The following ATP11B variants were observed in gnomAD, a reference collection of about 807,000 sequenced individuals.
ATP11B encodes phospholipid-transporting ATPase IF.
A neutral mutation model predicts 157.8 loss-of-function variants in ATP11B; 81 were observed. The observed-to-expected ratio is 0.51, with a 90% CI of 0.43 to 0.62. The LOEUF (loss-of-function observed/expected upper bound fraction) is 0.62. ATP11B is among the 20% of genes least tolerant of loss of function. ATP11B has a pLI of 0.00. For synonymous variants in ATP11B, 451 were observed against 469.4 expected (o/e 0.96, Z 0.51); for missense variants, 1,165 against 1,402.2 (o/e 0.83, Z 2.70).
At chr3:182,795,450 A>T (rs1715544216) in intron 1 of ATP11B, among the ~76,000 whole-genome samples, 1 of 152,238 alleles carries the variant, frequency 6.6e-6, no homozygotes, top group South Asian at 2.1e-4. Flanking sequence ...CTCATCTTCA[A>T]GACAGAAAAC....
intron 7 of ATP11B, among the ~76,000 whole-genome samples, chr3:182,841,010 T>C (rs540939808): frequency 2.2e-4 from 33 of 152,040 alleles, no homozygotes; most frequent in African/African-American, 7.5e-4. Context: ...ACCTTTCTTC[T>C]CTGCCCTGTT....
intron 21 of ATP11B, among the ~76,000 whole-genome samples, chr3:182,881,466 C>T (rs961715010): frequency 2.6e-5 from 4 of 151,090 alleles, no homozygotes; most frequent in Admixed American, 1.3e-4. Flanking sequence ...TGCTTGAACC[C>T]GGGAGACAGA....
intron 5 of ATP11B, 92 bp downstream of exon 5, chr3:182,836,234 CT>C: frequency 1.3e-6 from 2 of 1,559,668 alleles, no homozygotes; most frequent in Admixed American, 1.7e-5. Flanking sequence ...TAAAAGCCTA[CT>C]TTCCTATGCT....
At chr3:182,811,361 G>C (rs889546665) in intron 1 of ATP11B, among the ~76,000 whole-genome samples, 9 of 152,084 alleles carry the variant, frequency 5.9e-5, no homozygotes, top group Non-Finnish European at 1.3e-4. Flanking sequence ...CAAACATGGC[G>C]TCTGGAAGTT....
chr3:182,899,971 A>G, intron 28 of ATP11B, among the ~76,000 whole-genome samples: 1 of 152,144 alleles, frequency 6.6e-6, no homozygotes. Flanking sequence ...CCAGGTTGAG[A>G]TTTTTTAAAC....
At chr3:182,796,514 A>G (rs1280887344) in intron 1 of ATP11B, among the ~76,000 whole-genome samples, 3 of 152,234 alleles carry the variant, frequency 2.0e-5, no homozygotes, top group Non-Finnish European at 2.9e-5. Context: ...ATTGGCTGCC[A>G]TTGGCTGCCA....
intron 28 of ATP11B, among the ~76,000 whole-genome samples, chr3:182,906,547 G>A (rs6768618): frequency 0.017 from 2,606 of 152,116 alleles, 85 homozygotes; most frequent in African/African-American, 0.059. Flanking sequence ...GGGCTCAAGC[G>A]GTCCTCCCAC....
In ATP11B at chr3:182,793,888, G is replaced by A. The variant is rs1576932631; in HGVS notation, c.27+102G>A. Reference sequence around the variant, plus strand: ...GGCGGCGCGGAGCCGGGAGGCCAGGGCGTGGGCGCCCGGCTAGGCCGCAGC... The same window carrying A: ...GGCGGCGCGGAGCCGGGAGGCCAGGACGTGGGCGCCCGGCTAGGCCGCAGC... On this transcript the variant is annotated intron_variant, in intron 1 of 29. Coordinates refer to ENST00000323116, the MANE Select transcript of ATP11B (RefSeq NM_014616.3). The A allele has an allele frequency of 6.8e-6, 5 of 739,492 alleles. No individual in the cohort carries two copies. The East Asian group carries it at 2.0e-4, about 29-fold the overall frequency. 45.8% of individuals were successfully genotyped at this position (739,492 alleles called of 1,614,324 possible).
At chr3:182,863,188 G>A (rs1200814648) in intron 12 of ATP11B, among the ~76,000 whole-genome samples, 3 of 152,128 alleles carry the variant, frequency 2.0e-5, no homozygotes, top group Non-Finnish European at 4.4e-5. Flanking sequence ...ACAAGCATGA[G>A]CCACCGCGCC....
chr3:182,889,437 T>C lies in ATP11B; in HGVS notation c.2871T>C (p.Ser957=), dbSNP rs1346236241. The C allele has an allele frequency of 6.3e-7, 1 of 1,577,792 alleles. No homozygotes were observed. The highest frequency in any genetic ancestry group is 2.3e-5 in the East Asian group (1 of 43,134). Residue 957 remains serine, a synonymous_variant, in exon 25 of 30, where the codon AGT becomes AGC. Transcript: ENST00000323116. ...ACATTAGTAAAAACCGCCTCTTAAG[T>C]ATTAAAACATTTCTTTATTGGACCA... is the stretch of plus-strand genomic sequence containing the variant. The part of the protein sequence containing the change: ...YRDISKNRLL[S]IKTFLYWTIL...
chr3:182,828,105 T>A lies in ATP11B; in HGVS notation c.145-15T>A, dbSNP rs1217033419. ...TTATTTTTAAATATTAATTTATTGA[T>A]CTCTTTCTTTTTAGTACACTGTGTG... On this transcript the variant is annotated splice_polypyrimidine_tract_variant and intron_variant, in intron 2 of 29. Coordinates refer to ENST00000323116, the MANE Select transcript of ATP11B (RefSeq NM_014616.3). The A allele has an allele frequency of 8.5e-7, 1 of 1,180,824 alleles. No individual in the cohort carries two copies. Among genetic ancestry groups the A allele is most frequent in the Non-Finnish European group, 1.2e-6 (1 of 847,060 alleles). 73.1% of individuals were successfully genotyped at this position (1,180,824 alleles called of 1,614,324 possible). A position where few individuals can be genotyped will look rare whatever the true frequency, so the allele number is the denominator to read the frequency against.
chr3:182,855,281 AC>A (rs1720303690), intron 10 of ATP11B, among the ~76,000 whole-genome samples: 1 of 152,194 alleles, frequency 6.6e-6, no homozygotes, highest in African/African-American at 2.4e-5. Flanking sequence ...TGGCAACAGC[AC>A]AAAAGCAATA....
intron 1 of ATP11B, among the ~76,000 whole-genome samples, chr3:182,794,309 A>G (rs1715456415): frequency 6.6e-6 from 1 of 152,048 alleles, no homozygotes; most frequent in Admixed American, 6.6e-5. Flanking sequence ...CCCGAGGAGG[A>G]GGCTGTCGTA....
At chr3:182,832,030 G>A (rs1226006161) in intron 4 of ATP11B, among the ~76,000 whole-genome samples, 1 of 151,934 alleles carries the variant, frequency 6.6e-6, no homozygotes. Flanking sequence ...AATACCTCTT[G>A]TCCTTATTTC....
intron 15 of ATP11B, among the ~76,000 whole-genome samples, chr3:182,868,336 T>G (rs1721398945): frequency 6.7e-6 from 1 of 149,102 alleles, no homozygotes; most frequent in African/African-American, 2.5e-5. Flanking sequence ...CAAACTATGC[T>G]TTTCCATACT....
intron 4 of ATP11B, among the ~76,000 whole-genome samples, chr3:182,832,181 C>T (rs945560203): frequency 4.6e-5 from 7 of 151,996 alleles, no homozygotes; most frequent in African/African-American, 1.7e-4. Flanking sequence ...CAGTCTCCTT[C>T]CAAAATTGGT....
At position 182,918,035 on chromosome 3, in the gene ATP11B, A is replaced by G. The variant is rs369351448; in HGVS notation, c.3465A>G (p.Ala1155=). 6.2e-7 allele frequency: 1 copy of G among 1,613,170 alleles called. No homozygotes were observed. Among genetic ancestry groups the G allele is most frequent in the South Asian group, 1.1e-5 (1 of 90,988 alleles). Residue 1155 remains alanine, a synonymous_variant, in exon 30 of 30, where the codon GCA becomes GCG. Transcript: ENST00000323116. ...ATTGTTACTTTAGATCATGGAGTGC[A>G]TCGGATCCTTTCTATACCAACGACA... ...SPTHISRSWS[A]SDPFYTNDRS...
At chr3:182,829,158 A>G (rs752283890) in intron 3 of ATP11B, among the ~76,000 whole-genome samples, 2 of 152,212 alleles carry the variant, frequency 1.3e-5, no homozygotes, top group Non-Finnish European at 2.9e-5. Context: ...ATCACTAGCT[A>G]AGATGAATTC....
intron 23 of ATP11B, among the ~76,000 whole-genome samples, chr3:182,886,442 C>A (rs925699597): frequency 1.3e-5 from 2 of 152,076 alleles, no homozygotes; most frequent in Non-Finnish European, 2.9e-5. Context: ...ATCTCAGAAG[C>A]TACCTTTAAA....
Sources: gnomAD v4.1 joint callset for allele counts (sites outside exome capture counted in the v4.1 genomes callset) on GRCh38, gnomAD v4.1.1 for gene constraint, MANE v1.5 for transcripts, NCBI Gene and HGNC (gene_info 2026-07-23, HGNC 2026-07-21) for gene names.